Variants in IGSF11 observed in about 807,000 individuals in gnomAD.
The protein encoded by IGSF11 is immunoglobulin superfamily member 11, also known as CXADR like 1.
In IGSF11, 22 loss-of-function variants were observed where a neutral mutation model predicts 41.0. The observed-to-expected ratio is 0.54, with a 90% CI of 0.38 to 0.77. The LOEUF (loss-of-function observed/expected upper bound fraction) is 0.77. Ranked by LOEUF, IGSF11 falls within the 30% of genes least tolerant of loss-of-function variation. IGSF11 has a pLI of 0.00. For synonymous variants in IGSF11, 219 were observed against 201.3 expected (o/e 1.09, Z -0.74); for missense variants, 444 against 530.8 (o/e 0.84, Z 1.61).
chr3:119,133,806 G>A (rs1002022410), intron 1 of IGSF11, among the ~76,000 whole-genome samples: 6 of 152,082 alleles, frequency 3.9e-5, no homozygotes, highest in African/African-American at 9.7e-5. Context: ...AATTAACATC[G>A]ATGCGAAAAT....
chr3:118,912,987 G>A (rs150585653), intron 4 of IGSF11, among the ~76,000 whole-genome samples: 11 of 151,980 alleles, frequency 7.2e-5, no homozygotes, highest in South Asian at 2.1e-4. Context: ...ATGACAGAAC[G>A]AGACTCCATC....
Position 118,913,137 on chromosome 3 carries a change from A to T in IGSF11, c.581-7419T>A, listed in dbSNP as rs112425938. 8.5e-3 allele frequency among the ~76,000 whole-genome samples: 1,288 copies of T among 152,280 alleles called. 23 individuals carry two copies. Among genetic ancestry groups the T allele is most frequent in the African/African-American group, 0.03 (1,233 of 41,576 alleles). On this transcript the variant is annotated intron_variant, in intron 4 of 6. Transcript: ENST00000393775. ...AAAAAAAAACCAGAATGCCACACAG[A>T]AAGGTAAAGAAGGTAAAGACATTTA... is the stretch of plus-strand genomic sequence containing the variant.
intron 1 of IGSF11, among the ~76,000 whole-genome samples, chr3:118,972,203 C>T (rs1209415563): frequency 3.3e-5 from 5 of 152,146 alleles, no homozygotes; most frequent in Non-Finnish European, 5.9e-5. Flanking sequence ...TCCCAAATGG[C>T]GAGAACTAAA....
chr3:118,929,577 GTC>G (rs1942654414), intron 2 of IGSF11, among the ~76,000 whole-genome samples: 1 of 152,108 alleles, frequency 6.6e-6, no homozygotes, highest in South Asian at 2.1e-4. Context: ...CAAATTATGT[GTC>G]TTTTTCCTGT....
chr3:118,930,255 C>G lies in IGSF11; in HGVS notation c.73G>C (p.Val25Leu). Residue 25 changes from valine to leucine, a missense_variant, in exon 2 of 7, where the codon GTG becomes CTG. Physicochemically the swap from Val to Leu is conservative, Grantham distance 32 (BLOSUM62 1). This residue lies in a region of IGSF11 where 193 missense variants were observed against 283.5 expected (regional missense o/e 0.68). Transcript: ENST00000393775. ...SLHGVAASLEVSESPGSIQVA... is the reference protein window; with the variant it reads ...SLHGVAASLELSESPGSIQVA... ...TGGATACTCCCAGGGCTCTCTGACA[C>G]TTCCAGGGATGCTGCAACACCTACA... The G allele has an allele frequency of 6.2e-7, 1 of 1,613,146 alleles. No homozygotes were observed. The highest frequency in any genetic ancestry group is 8.5e-7 in the Non-Finnish European group (1 of 1,179,544).
chr3:119,010,960 A>G (rs540660998), intron 1 of IGSF11, among the ~76,000 whole-genome samples: 1 of 152,378 alleles, frequency 6.6e-6, no homozygotes, highest in South Asian at 2.1e-4. Flanking sequence ...CTAAGAAGTC[A>G]TTCAATTCAT....
chr3:118,917,792 G>A lies in IGSF11; in HGVS notation c.580+8309C>T, dbSNP rs1269098109. Among the ~76,000 whole-genome samples, 3 of 151,394 alleles carry A rather than the reference G, an allele frequency of 2.0e-5. No homozygotes were observed. In the East Asian group the frequency reaches 5.9e-4, roughly 30 times the overall value. On this transcript the variant is annotated intron_variant, in intron 4 of 6. Coordinates refer to ENST00000393775, the MANE Select transcript of IGSF11 (RefSeq NM_001015887.3). ...ATCATTCTGATACCAAAGCCGGGCA[G>A]AGACACAACCAAAAAAGAGAATTTT...
chr3:119,053,412 A>G (rs992529621), intron 1 of IGSF11, among the ~76,000 whole-genome samples: 4 of 152,242 alleles, frequency 2.6e-5, no homozygotes, highest in African/African-American at 9.6e-5. Flanking sequence ...CCCTTTTACA[A>G]CAGCTGCAAA....
At position 119,034,657 on chromosome 3, in the gene IGSF11, C is replaced by T; in HGVS notation, c.-75G>A. 1 of 1,478,370 alleles carries T rather than the reference C, an allele frequency of 6.8e-7. No individual in the cohort carries two copies. Among genetic ancestry groups the T allele is most frequent in the Non-Finnish European group, 9.0e-7 (1 of 1,108,228 alleles). 91.6% of individuals were successfully genotyped at this position (1,478,370 alleles called of 1,614,324 possible). On this transcript the variant is annotated 5_prime_UTR_variant, in exon 1 of 7. Transcript: ENST00000393775. ...ACAGGAGAGGAGCGGGCGTGAGTCTCCGCGCTCTTGGGGCAGCCTGGTCCT... is the reference window on the plus strand; with the variant it reads ...ACAGGAGAGGAGCGGGCGTGAGTCTTCGCGCTCTTGGGGCAGCCTGGTCCT...
chr3:119,015,022 CAG>C (rs1938537158), intron 1 of IGSF11, among the ~76,000 whole-genome samples: 1 of 151,872 alleles, frequency 6.6e-6, no homozygotes, highest in Non-Finnish European at 1.5e-5. Context: ...TTAAAATAAA[CAG>C]TTCAAACAGA....
intron 1 of IGSF11, among the ~76,000 whole-genome samples, chr3:119,045,423 T>G (rs183227509): frequency 6.6e-6 from 1 of 152,236 alleles, no homozygotes; most frequent in Admixed American, 6.5e-5. Context: ...ACCCGAATAC[T>G]GCGCTTTTGC....
At chr3:118,932,875 A>G (rs1008354799) in intron 1 of IGSF11, among the ~76,000 whole-genome samples, 57 of 152,248 alleles carry the variant, frequency 3.7e-4, no homozygotes. Context: ...ACCCTCCACC[A>G]GCAATTCACT....
chr3:118,944,914 G>A (rs1240091224), intron 1 of IGSF11: 1 of 152,170 alleles, frequency 6.6e-6, no homozygotes, highest in East Asian at 1.9e-4. Flanking sequence ...AATGTCTAGT[G>A]TGACTCCAGA....
intron 1 of IGSF11, among the ~76,000 whole-genome samples, chr3:119,086,144 T>C (rs1201312996): frequency 6.6e-6 from 1 of 152,220 alleles, no homozygotes; most frequent in Non-Finnish European, 1.5e-5. Flanking sequence ...CTCTGGACCC[T>C]ATTTTCCTGC....
At chr3:119,011,938 T>G (rs531974964) in intron 1 of IGSF11, among the ~76,000 whole-genome samples, 1 of 146,450 alleles carries the variant, frequency 6.8e-6, no homozygotes, top group African/African-American at 2.6e-5. Context: ...AGATGCTATA[T>G]AGTGTTCTGT....
chr3:119,031,134 G>C (rs1940356171), intron 1 of IGSF11, among the ~76,000 whole-genome samples: 1 of 152,122 alleles, frequency 6.6e-6, no homozygotes, highest in South Asian at 2.1e-4. Context: ...GTATGCGCCT[G>C]TAATCCTGGC....
intron 1 of IGSF11, among the ~76,000 whole-genome samples, chr3:118,934,956 C>G (rs1277050093): frequency 1.3e-5 from 2 of 152,052 alleles, no homozygotes; most frequent in Non-Finnish European, 2.9e-5. Flanking sequence ...TACTCATAAA[C>G]CCCAGCTTCT....
Position 118,927,524 on chromosome 3 carries a change from T to A in IGSF11, c.424+985A>T, listed in dbSNP as rs192282712. ...ATCCCCGACTTGGTCATCAGTTTTT[T>A]TATTCTGTTTGAAGGCTGGGAGAAA... On this transcript the variant is annotated intron_variant, in intron 3 of 6. Transcript: ENST00000393775. 2.0e-5 allele frequency among the ~76,000 whole-genome samples: 3 copies of A among 152,318 alleles called. No homozygotes were observed. In the East Asian group the frequency reaches 5.8e-4, roughly 29 times the overall value.
At chr3:118,925,559 G>T (rs1942215046) in intron 4 of IGSF11, among the ~76,000 whole-genome samples, 1 of 151,994 alleles carries the variant, frequency 6.6e-6, no homozygotes, top group South Asian at 2.1e-4. Flanking sequence ...AAGCAGCTGG[G>T]TTTACACGTA....
Sources: allele counts gnomAD v4.1 joint callset (sites outside exome capture counted in the v4.1 genomes callset), GRCh38; gene constraint gnomAD v4.1.1; regional missense constraint gnomAD v4.1.1; transcripts MANE v1.5; gene names NCBI Gene and HGNC (gene_info 2026-07-23, HGNC 2026-07-21).